Variants in GALNT9 observed in about 807,000 individuals in gnomAD.
GALNT9 encodes the protein GalNAc transferase 9.
GALNT9 carries 47 observed loss-of-function variants against 63.1 expected under a neutral mutation model. That is an observed-to-expected ratio of 0.75 (90% CI 0.59 to 0.95). GALNT9 has a LOEUF of 0.95. GALNT9 is among the 40% of genes least tolerant of loss of function. The pLI is 0.00. For missense variants in GALNT9, 829 were observed against 874.8 expected (o/e 0.95, Z 0.66); for synonymous variants, 396 against 365.7 (o/e 1.08, Z -0.94).
At chr12:132,268,263 A>G (rs1879729933) in intron 2 of GALNT9, among the ~76,000 whole-genome samples, 1 of 151,636 alleles carries the variant, frequency 6.6e-6, no homozygotes. Flanking sequence ...ATGGACACCC[A>G]CCCCTACACA....
chr12:132,317,796 G>A (rs1868590999), intron 1 of GALNT9, among the ~76,000 whole-genome samples: 1 of 152,214 alleles, frequency 6.6e-6, no homozygotes, highest in Non-Finnish European at 1.5e-5. Context: ...AAAGAAGGAG[G>A]AGGGGTATCG....
intron 1 of GALNT9, 93 bp downstream of exon 1, chr12:132,328,873 G>A: frequency 1.5e-6 from 2 of 1,349,246 alleles, no homozygotes; most frequent in South Asian, 3.2e-5. Context: ...GCGCAGAGGG[G>A]CGCGCACCCG....
rs929401675 is a variant in GALNT9, at chr12:132,196,551, G to A, written c.*556C>T. On this transcript the variant is annotated 3_prime_UTR_variant, in exon 11 of 11. Transcript: ENST00000328957. ...TTATTTGGTCTCTGCTGAAGCAGTC[G>A]TGCCAGCCTCCTAGACACGGCCTCA... is the stretch of plus-strand genomic sequence containing the variant. The A allele has an allele frequency of 4.1e-6, 4 of 986,158 alleles. No homozygotes were observed. Among genetic ancestry groups the A allele is most frequent in the East Asian group, 2.3e-4 (2 of 8,836 alleles). 61.1% of individuals were successfully genotyped at this position (986,158 alleles called of 1,614,324 possible). A position where few individuals can be genotyped will look rare whatever the true frequency, so the allele number is the denominator to read the frequency against.
intron 6 of GALNT9, among the ~76,000 whole-genome samples, chr12:132,226,609 C>A (rs1342792979): frequency 6.8e-6 from 1 of 146,250 alleles, no homozygotes; most frequent in Non-Finnish European, 1.5e-5. Context: ...ACACCCCACA[C>A]CCCACTGTAT....
chr12:132,302,229 T>TACACACACACACACACACACACACACAC (rs56317485), intron 1 of GALNT9, among the ~76,000 whole-genome samples: 3 of 143,722 alleles, frequency 2.1e-5, no homozygotes, highest in Non-Finnish European at 4.5e-5. Flanking sequence ...TAGAAAATTC[T>TACACACACACACACACACACACACACAC]ACACACACAC....
chr12:132,305,623 G>A (rs28668490), intron 1 of GALNT9, among the ~76,000 whole-genome samples: 37,341 of 146,924 alleles, frequency 0.25, 5,164 homozygotes, highest in South Asian at 0.38. Context: ...ACCCTCACCC[G>A]GGCACACCCT....
chr12:132,292,483 C>T (rs78988312), intron 1 of GALNT9, among the ~76,000 whole-genome samples: 10,723 of 152,286 alleles, frequency 0.07, 461 homozygotes, highest in South Asian at 0.17. Context: ...CTGACTCCCT[C>T]GAGGGCCCTG....
intron 6 of GALNT9, among the ~76,000 whole-genome samples, chr12:132,221,085 A>G (rs1877426087): frequency 7.9e-6 from 1 of 125,988 alleles, no homozygotes; most frequent in Non-Finnish European, 1.6e-5. Context: ...TCTGGGCGCG[A>G]TGGCTCTTGC....
At position 132,316,531 on chromosome 12, in the gene GALNT9, C is replaced by T. The variant is rs566471783; in HGVS notation, c.238+12435G>A. Among the ~76,000 whole-genome samples the T allele has an allele frequency of 1.3e-5, 2 of 152,242 alleles. No individual in the cohort carries two copies. The highest frequency in any genetic ancestry group is 3.9e-4 in the East Asian group (2 of 5,182). On this transcript the variant is annotated intron_variant, in intron 1 of 10. Transcript: ENST00000328957. The surrounding 1 kb of genome is among the most constrained non-coding windows in gnomAD (Gnocchi z 4.3). ...ATCAGGAGCACCCGAGCTTCCCACC[C>T]TAACCACCTGTGCTCAGGGAATGGC...
chr12:132,240,817 C>T (rs377620340), intron 6 of GALNT9: 9 of 417,354 alleles, frequency 2.2e-5, no homozygotes, highest in Admixed American at 1.3e-4. Context: ...ACACCCTTCC[C>T]AAGGCCGTCC....
At chr12:132,243,215 A>G (rs1387196002) in intron 6 of GALNT9, among the ~76,000 whole-genome samples, 1 of 129,506 alleles carries the variant, frequency 7.7e-6, no homozygotes, top group East Asian at 2.3e-4. Flanking sequence ...GGCCCTCCCT[A>G]TACCCATTAC....
rs554236078 is a variant in GALNT9, at chr12:132,252,367, T to C, written c.960-4340A>G. ...CGGACGCCGACACTGACATTTAATG[T>C]TATTTAAAAACTGTTTCTGAGAAGG... On this transcript the variant is annotated intron_variant, in intron 5 of 10. Transcript: ENST00000328957. This position sits in a 1 kb window ranked among gnomAD's most constrained non-coding sequence, Gnocchi z 5.2. Among the ~76,000 whole-genome samples, 7 of 152,316 alleles carry C rather than the reference T, an allele frequency of 4.6e-5. No individual in the cohort carries two copies. Among genetic ancestry groups the C allele is most frequent in the South Asian group, 2.1e-4 (1 of 4,828 alleles).
chr12:132,206,718 G>A (rs1391162800), intron 6 of GALNT9, among the ~76,000 whole-genome samples: 1 of 152,110 alleles, frequency 6.6e-6, no homozygotes, highest in Non-Finnish European at 1.5e-5. Context: ...GGAGGACCGT[G>A]GACCTGACCG....
intron 5 of GALNT9, among the ~76,000 whole-genome samples, chr12:132,250,046 C>A (rs1275343675): frequency 6.6e-6 from 1 of 152,228 alleles, no homozygotes; most frequent in Non-Finnish European, 1.5e-5. Flanking sequence ...AGCCCAGCAG[C>A]CACGGAGGGA....
At chr12:132,292,467 G>A (rs782782891) in intron 1 of GALNT9, among the ~76,000 whole-genome samples, 3 of 152,174 alleles carry the variant, frequency 2.0e-5, no homozygotes, top group African/African-American at 7.2e-5. Flanking sequence ...GGCCGGACCC[G>A]AGTCTCTGAC....
chr12:132,203,804 C>T, intron 6 of GALNT9, 114 bp from the exon 7 acceptor site: 2 of 1,148,044 alleles, frequency 1.7e-6, no homozygotes, highest in African/African-American at 3.2e-5. Context: ...TGGGGCACCC[C>T]CACCACCGAC....
rs138343241 is a variant in GALNT9 at position 132,203,794 on chromosome 12, TG to T, written c.1078-105del. The T allele has an allele frequency of 5.5e-3, 7,035 of 1,282,788 alleles. 269 individuals carry two copies. The East Asian group carries it at 0.074, about 14-fold the overall frequency. The allele number at this position is 1,282,788 out of a possible 1,614,324, so 79.5% of individuals were successfully genotyped here. On this transcript the variant is annotated intron_variant, in intron 6 of 10. Coordinates refer to ENST00000328957, the MANE Select transcript of GALNT9 (RefSeq NM_001122636.2). ...GCCAAGGGGCCCGGCCCTCTGTTCC[TG>T]GGGCACCCCCACCACCGACGGGCCT...
intron 1 of GALNT9, among the ~76,000 whole-genome samples, chr12:132,288,239 A>G (rs983248124): frequency 6.6e-6 from 1 of 152,138 alleles, no homozygotes; most frequent in African/African-American, 2.4e-5. Flanking sequence ...TTCTCCCCTC[A>G]GCAGAGCCGA....
At chr12:132,271,476 A>G (rs144653332) in intron 2 of GALNT9, among the ~76,000 whole-genome samples, 2,039 of 152,278 alleles carry the variant, frequency 0.013, 53 homozygotes, top group African/African-American at 0.046. Context: ...CTTTAAAACA[A>G]TGAAGCCAGG....
Sources: allele counts gnomAD v4.1 joint callset (sites outside exome capture counted in the v4.1 genomes callset), GRCh38; gene constraint gnomAD v4.1.1; non-coding constraint Gnocchi (gnomAD v3.1); transcripts MANE v1.5; gene names NCBI Gene and HGNC (gene_info 2026-07-23, HGNC 2026-07-21).